Variants in ERICH5 observed in about 807,000 individuals in gnomAD.
ERICH5 encodes the protein glutamate rich 5.
Under a neutral mutation model 28.0 loss-of-function variants are expected in ERICH5, and 24 were observed. The ratio of observed to expected loss-of-function variants is 0.86; its 90% CI spans 0.62 to 1.21. ERICH5 has a LOEUF of 1.21. Ranked by LOEUF, ERICH5 falls within the 50% of genes most tolerant of loss-of-function variation. ERICH5 has a pLI of 0.00. For missense variants in ERICH5, 421 were observed against 441.2 expected (o/e 0.95, Z 0.41); for synonymous variants, 163 against 157.6 (o/e 1.03, Z -0.25).
At chr8:98,091,993 C>CCCTTCCTTCCTT (rs377455843) in intron 2 of ERICH5, among the ~76,000 whole-genome samples, 1,394 of 55,072 alleles carry the variant, frequency 0.025, 208 homozygotes, top group South Asian at 0.037. Context: ...TCTCTCTCTC[C>CCCTTCCTTCCTT]CCTTCCTTCC....
At position 98,085,136 on chromosome 8, in the gene ERICH5, C is replaced by CTTTTTTTTTTTTTTTTTTT. The variant is rs760470751; in HGVS notation, c.59-3916_59-3898dup. On this transcript the variant is annotated intron_variant, in intron 1 of 2. Transcript: ENST00000318528. ...TTCCCTGGTGTGAACGTTCCACAGC[C>CTTTTTTTTTTTTTTTTTTT]TTTTTTTTTTTTTTTTTTTTTTTTT... 7.0e-5 allele frequency among the ~76,000 whole-genome samples: 4 copies of CTTTTTTTTTTTTTTTTTTT among 57,240 alleles called. 1 individual carries two copies. Among genetic ancestry groups the CTTTTTTTTTTTTTTTTTTT allele is most frequent in the African/African-American group, 1.1e-4 (2 of 17,936 alleles). 37.6% of individuals were successfully genotyped at this position (57,240 alleles called of 152,430 possible). A position where few individuals can be genotyped will look rare whatever the true frequency, so the allele number is the denominator to read the frequency against.
Position 98,089,493 on chromosome 8 carries a change from A to T in ERICH5, c.476A>T (p.Gln159Leu), listed in dbSNP as rs199854704. The T allele has an allele frequency of 4.3e-5, 70 of 1,614,114 alleles. No homozygotes were observed. In the East Asian group the frequency reaches 1.5e-3, roughly 35 times the overall value. Residue 159 changes from glutamine (Q) to leucine (L), a missense_variant, in exon 2 of 3, where the codon CAG (glutamine) becomes CTG (leucine). Physicochemically the swap from Gln to Leu is moderately radical, Grantham distance 113. Transcript: ENST00000318528. ...CCTTTAGGACCAGAAGCCAAGGGTC[A>T]GCCTTTGCAGGCAGCAGTAGAGAAG... ...AQPLGPEAKG[Q>L]PLQAAVEKDS... is the part of the protein sequence containing the mutation.
chr8:98,079,164 T>C (rs200453804), intron 1 of ERICH5, among the ~76,000 whole-genome samples: 1,596 of 46,230 alleles, frequency 0.035, 22 homozygotes, highest in African/African-American at 0.062. Flanking sequence ...TTTTTTTTTT[T>C]CCTTTTTTTT....
At chr8:98,073,240 A>T (rs1228652908) in intron 1 of ERICH5, among the ~76,000 whole-genome samples, 1 of 151,172 alleles carries the variant, frequency 6.6e-6, no homozygotes, top group Non-Finnish European at 1.5e-5. Flanking sequence ...AGTACTTCAT[A>T]GAGTTGAGGA....
chr8:98,077,744 T>C (rs1815084191), intron 1 of ERICH5, among the ~76,000 whole-genome samples: 1 of 152,108 alleles, frequency 6.6e-6, no homozygotes, highest in African/African-American at 2.4e-5. Context: ...TGTCTCTTTT[T>C]CTTTCTGTAG....
chr8:98,066,206 G>T (rs1040468744), intron 1 of ERICH5, among the ~76,000 whole-genome samples: 1 of 152,178 alleles, frequency 6.6e-6, no homozygotes, highest in East Asian at 1.9e-4. Context: ...CGTGTTTTAT[G>T]TTATGAAATT....
At position 98,064,611 on chromosome 8, in the gene ERICH5, G is replaced by A. The variant is rs572655313; in HGVS notation, c.-59G>A. 1.5e-4 allele frequency: 214 copies of A among 1,424,212 alleles called. 1 individual carries two copies. The highest frequency in any genetic ancestry group is 7.7e-4 in the Admixed American group (34 of 44,202). 88.2% of individuals were successfully genotyped at this position (1,424,212 alleles called of 1,614,324 possible). A position where few individuals can be genotyped will look rare whatever the true frequency, so the allele number is the denominator to read the frequency against. On this transcript the variant is annotated 5_prime_UTR_variant, in exon 1 of 3. Coordinates refer to ENST00000318528, the MANE Select transcript of ERICH5 (RefSeq NM_173549.3). ...GCGGCTACGGGTGCAGTTGCCTTCG[G>A]TTCCCGGTTCCGGGCCGACACCCGC...
At chr8:98,066,712 A>G (rs1814824883) in intron 1 of ERICH5, among the ~76,000 whole-genome samples, 1 of 152,198 alleles carries the variant, frequency 6.6e-6, no homozygotes, top group African/African-American at 2.4e-5. Context: ...CACACGTTGA[A>G]TCAATCAACA....
chr8:98,088,588 C>T (rs6998768), intron 1 of ERICH5, among the ~76,000 whole-genome samples: 18,254 of 152,148 alleles, frequency 0.12, 1,684 homozygotes, highest in African/African-American at 0.26. Context: ...TGGGGGCTTT[C>T]CTGTGTTAGA....
chr8:98,073,089 G>C (rs1202960760), intron 1 of ERICH5, among the ~76,000 whole-genome samples: 1 of 152,066 alleles, frequency 6.6e-6, no homozygotes, highest in Non-Finnish European at 1.5e-5. Context: ...CTGAAAGACA[G>C]TATAGAGTGC....
Position 98,089,686 on chromosome 8 carries a change from A to G in ERICH5, c.669A>G (p.Lys223=), listed in dbSNP as rs563665213. 6.2e-7 allele frequency: 1 copy of G among 1,614,168 alleles called. No individual in the cohort carries two copies. Among genetic ancestry groups the G allele is most frequent in the Admixed American group, 1.7e-5 (1 of 60,018 alleles). Residue 223 remains lysine (K), a synonymous_variant, in exon 2 of 3, where the codon AAA becomes AAG. Transcript: ENST00000318528. ...EQAPLLETIS[K]ENESPEILEG... The stretch of plus-strand genomic sequence containing the variant: ...CCCCGCTTCTAGAAACAATTTCCAA[A>G]GAGAATGAATCTCCAGAAATATTGG...
intron 1 of ERICH5, among the ~76,000 whole-genome samples, chr8:98,079,173 T>TG (rs1815124231): frequency 1.8e-5 from 2 of 113,130 alleles, no homozygotes; most frequent in African/African-American, 6.6e-5. Flanking sequence ...TTCCTTTTTT[T>TG]TTTTTTTTTT....
At position 98,093,280 on chromosome 8, in the gene ERICH5, G is replaced by A. The variant is rs866301003; in HGVS notation, c.1072G>A (p.Glu358Lys). 6.2e-7 allele frequency: 1 copy of A among 1,613,964 alleles called. No individual in the cohort carries two copies. The highest frequency in any genetic ancestry group is 8.5e-7 in the Non-Finnish European group (1 of 1,179,920). Residue 358 changes from glutamate to lysine, a missense_variant, in exon 3 of 3, where the codon GAA (glutamate) becomes AAA (lysine). Coordinates refer to ENST00000318528, the MANE Select transcript of ERICH5 (RefSeq NM_173549.3). ...MENEKVSEGA[E>K]TKEEETGEVV... ...GAATGAGAAAGTGAGTGAAGGGGCTGAAACCAAAGAAGAAGAAACAGGAGA... is the reference window on the plus strand; with the variant it reads ...GAATGAGAAAGTGAGTGAAGGGGCTAAAACCAAAGAAGAAGAAACAGGAGA...
At chr8:98,076,682 A>G (rs1052656094) in intron 1 of ERICH5, among the ~76,000 whole-genome samples, 13 of 152,108 alleles carry the variant, frequency 8.5e-5, no homozygotes, top group African/African-American at 3.1e-4. Context: ...GGATTGTTCA[A>G]TCTAGTTCAG....
chr8:98,081,538 T>G (rs536672009), intron 1 of ERICH5, among the ~76,000 whole-genome samples: 2 of 152,222 alleles, frequency 1.3e-5, no homozygotes, highest in Non-Finnish European at 1.5e-5. Context: ...GTAATCCTCA[T>G]GTCAGTTCCC....
At chr8:98,091,866 TTC>T (rs1491393467) in intron 2 of ERICH5, among the ~76,000 whole-genome samples, 1 of 90,696 alleles carries the variant, frequency 1.1e-5, no homozygotes, top group Non-Finnish European at 2.2e-5. Flanking sequence ...CTTTCTTTCT[TTC>T]TTTCTTTCTT....
At chr8:98,084,374 C>G (rs1007732047) in intron 1 of ERICH5, among the ~76,000 whole-genome samples, 1 of 151,946 alleles carries the variant, frequency 6.6e-6, no homozygotes, top group South Asian at 2.1e-4. Context: ...CATTCTGCAG[C>G]GGGAGTATTT....
At chr8:98,074,877 T>C (rs1815020429) in intron 1 of ERICH5, among the ~76,000 whole-genome samples, 1 of 152,210 alleles carries the variant, frequency 6.6e-6, no homozygotes, top group African/African-American at 2.4e-5. Context: ...TTTTCTCTAA[T>C]GTCCTGTTTC....
intron 1 of ERICH5, 65 bp from the exon 2 acceptor site, chr8:98,089,011 A>G: frequency 8.0e-7 from 1 of 1,243,608 alleles, no homozygotes; most frequent in Non-Finnish European, 1.1e-6. Context: ...TCACTTTTCA[A>G]GATAAAACTA....
Sources: allele counts gnomAD v4.1 joint callset (sites outside exome capture counted in the v4.1 genomes callset), GRCh38; gene constraint gnomAD v4.1.1; transcripts MANE v1.5; gene names NCBI Gene and HGNC (gene_info 2026-07-23, HGNC 2026-07-21).